MEI1: variants seen among roughly 807,000 people sequenced by gnomAD.
MEI1 encodes the protein meiosis inhibitor protein 1.
Under a neutral mutation model 146.2 loss-of-function variants are expected in MEI1, and 103 were observed. That is an observed-to-expected ratio of 0.70 (90% CI 0.60 to 0.83). The LOEUF is 0.83. Ranked by LOEUF, MEI1 falls within the 40% of genes least tolerant of loss-of-function variation. The pLI is 0.00. For synonymous variants in MEI1, 652 were observed against 628.2 expected, an observed-to-expected ratio of 1.04 and a Z score of -0.57; for missense variants, 1,529 against 1,533.0, an observed-to-expected ratio of 1.00 and a Z score of 0.04.
At chr22:41,783,025 C>T (rs1466300616) in intron 24 of MEI1, among the ~76,000 whole-genome samples, 1 of 152,198 alleles carries the variant, frequency 6.6e-6, no homozygotes, top group Non-Finnish European at 1.5e-5. Flanking sequence ...CCTTCAGCAG[C>T]CTTTTTGTCC....
At chr22:41,705,483 C>T in intron 2 of MEI1, 21 bp from the exon 3 acceptor site, 1 of 1,613,186 alleles carries the variant, frequency 6.2e-7, no homozygotes, top group Non-Finnish European at 8.5e-7. Context: ...CCACCCCTTT[C>T]TTACCTCCCT....
rs145515547 is a variant in MEI1, at chr22:41,754,375, T to C, written c.1951+329T>C. On this transcript the variant is annotated intron_variant, in intron 17 of 30. Coordinates refer to ENST00000401548, the MANE Select transcript of MEI1 (RefSeq NM_152513.4). Reference sequence around the variant, plus strand: ...AGTCCAGTGTTCACTATAGCATTAATAGTGTGTTCTATTTCTTCATTCATT... The same window carrying C: ...AGTCCAGTGTTCACTATAGCATTAACAGTGTGTTCTATTTCTTCATTCATT... Among the ~76,000 whole-genome samples, 199 of 152,134 alleles carry C rather than the reference T, an allele frequency of 1.3e-3. 2 individuals are homozygous for C. The highest frequency in any genetic ancestry group is 4.6e-3 in the African/African-American group (190 of 41,404).
intron 3 of MEI1, chr22:41,709,492 G>C: frequency 1.6e-6 from 1 of 632,578 alleles, no homozygotes. Context: ...GGGCATGGTG[G>C]CAGCAGCGAC....
rs138225077 is a variant in MEI1, at chr22:41,725,197, C to T, written c.864+1124C>T. On this transcript the variant is annotated intron_variant, in intron 7 of 30. Transcript: ENST00000401548. ...CGTGATCTTGGCTCACTACAACCTC[C>T]GCCCCCCAGGCTCAAGCAATTCTCC... Among the ~76,000 whole-genome samples, 141 of 152,028 alleles carry T rather than the reference C, an allele frequency of 9.3e-4. 12 individuals are homozygous for T. In the East Asian group the frequency reaches 0.026, roughly 28 times the overall value.
chr22:41,758,394 C>T lies in MEI1; in HGVS notation c.1981C>T (p.His661Tyr), dbSNP rs768378738. 3 of 1,613,824 alleles carry T rather than the reference C, an allele frequency of 1.9e-6. No homozygotes were observed. In the South Asian group the frequency reaches 3.3e-5, roughly 18 times the overall value. ...CTCTGCAGTGTCTGAGCTCCTGCAGCATGGGCTGCCCCAGATAAGCAGCAG... is the reference window on the plus strand; with the variant it reads ...CTCTGCAGTGTCTGAGCTCCTGCAGTATGGGCTGCCCCAGATAAGCAGCAG... ...ELSAVSELLQHGLPQISSRSP... is the reference protein window; with the variant it reads ...ELSAVSELLQYGLPQISSRSP... Residue 661 changes from histidine to tyrosine, a missense_variant, in exon 18 of 31, where the codon CAT becomes TAT. Physicochemically the swap from His to Tyr is moderately conservative, Grantham distance 83 (BLOSUM62 2). Transcript: ENST00000401548.
intron 3 of MEI1, among the ~76,000 whole-genome samples, chr22:41,712,594 A>C (rs117873693): frequency 0.048 from 7,276 of 151,908 alleles, 269 homozygotes; most frequent in Non-Finnish European, 0.067. Context: ...TTAGAAATAC[A>C]CTAGAATTTT....
At chr22:41,771,662 T>C (rs1270545042) in intron 20 of MEI1, among the ~76,000 whole-genome samples, 2 of 152,078 alleles carry the variant, frequency 1.3e-5, no homozygotes, top group African/African-American at 2.4e-5. Flanking sequence ...TGTCAATACT[T>C]TTTGGTGAAG....
At chr22:41,730,451 C>G in intron 8 of MEI1, 70 bp from the exon 9 acceptor site, 1 of 1,041,898 alleles carries the variant, frequency 9.6e-7, no homozygotes, top group Non-Finnish European at 1.5e-6. Context: ...AATCCAAGGC[C>G]TTAGCATCAG....
At position 41,699,588 on chromosome 22, in the gene MEI1, A is replaced by AGGAAGAGGC; in HGVS notation, c.53_61dup (p.Glu18_Ala20dup). On this transcript the variant is annotated inframe_insertion, in exon 1 of 31. Transcript: ENST00000401548. ...GCGGGCACTCCCGGGCCCAGGAGAG[A>AGGAAGAGGC]GGAAGAGGCGGCGCTTCTATTCGAG... is the stretch of plus-strand genomic sequence containing the variant. The AGGAAGAGGC allele has an allele frequency of 6.2e-7, 1 of 1,612,804 alleles. No homozygotes were observed. The highest frequency in any genetic ancestry group is 8.5e-7 in the Non-Finnish European group (1 of 1,179,448).
chr22:41,794,089 C>T (rs778232448), intron 27 of MEI1, 179 bp downstream of exon 27: 21 of 681,472 alleles, frequency 3.1e-5, no homozygotes, highest in Non-Finnish European at 4.7e-5. Context: ...CAATAAGGTT[C>T]AGATAGGTCA....
chr22:41,748,271 T>C (rs960154355), intron 15 of MEI1, 53 bp downstream of exon 15: 10 of 1,137,412 alleles, frequency 8.8e-6, no homozygotes, highest in Non-Finnish European at 1.2e-5. Flanking sequence ...CCTTAGGCAA[T>C]GCTCAGAGAG....
chr22:41,748,945 G>C (rs905966672), intron 15 of MEI1, among the ~76,000 whole-genome samples: 6 of 152,042 alleles, frequency 3.9e-5, no homozygotes, highest in Non-Finnish European at 1.5e-5. Context: ...TGGGACTACA[G>C]GCGCCCGCCA....
At chr22:41,747,983 C>T (rs1601904164) in intron 14 of MEI1, 124 bp from the exon 15 acceptor site, 1 of 670,270 alleles carries the variant, frequency 1.5e-6, no homozygotes, top group Non-Finnish European at 2.7e-6. Flanking sequence ...ACTTTAAGTT[C>T]CCTAGCTTTT....
intron 26 of MEI1, among the ~76,000 whole-genome samples, chr22:41,787,227 A>G (rs1380997699): frequency 6.6e-6 from 1 of 152,148 alleles, no homozygotes; most frequent in Non-Finnish European, 1.5e-5. Context: ...ACCAAAACAT[A>G]AGCTTTATTG....
chr22:41,703,102 AATAT>A (rs2068836266), intron 1 of MEI1, among the ~76,000 whole-genome samples: 1 of 152,156 alleles, frequency 6.6e-6, no homozygotes, highest in African/African-American at 2.4e-5. Context: ...TTGCTATGTA[AATAT>A]AGGGCATTAG....
chr22:41,782,938 G>A (rs925537792), intron 24 of MEI1, among the ~76,000 whole-genome samples: 1 of 151,994 alleles, frequency 6.6e-6, no homozygotes, highest in African/African-American at 2.4e-5. Flanking sequence ...CAGTCTCCTG[G>A]CCACCCGCCT....
Position 41,770,980 on chromosome 22 carries a change from A to G in MEI1, c.2544+19A>G. On this transcript the variant is annotated intron_variant, in intron 20 of 30. Transcript: ENST00000401548. The stretch of plus-strand genomic sequence containing the variant: ...CTTGCTGGTAGGCAACCACTCATTC[A>G]TTTCTACATTCAGAAATCGTGGGCC... 2 of 1,607,788 alleles carry G rather than the reference A, an allele frequency of 1.2e-6. No individual in the cohort carries two copies. The highest frequency in any genetic ancestry group is 1.7e-6 in the Non-Finnish European group (2 of 1,176,382).
In MEI1 at chr22:41,755,684, ATC is replaced by A. The variant is rs1397743275; in HGVS notation, c.1951+1643_1951+1644del. On this transcript the variant is annotated intron_variant, in intron 17 of 30. Transcript: ENST00000401548. The stretch of plus-strand genomic sequence containing the variant: ...CTCATTGTGCCAGGAAATGCAGCAC[ATC>A]TCTCATAACATTCAGACTGCTTTCT... Among the ~76,000 whole-genome samples, 9 of 152,216 alleles carry A rather than the reference ATC, an allele frequency of 5.9e-5. No homozygotes were observed. The East Asian group carries it at 1.3e-3, about 23-fold the overall frequency.
chr22:41,741,939 T>A (rs1205632496), intron 11 of MEI1, among the ~76,000 whole-genome samples: 4 of 53,532 alleles, frequency 7.5e-5, no homozygotes, highest in African/African-American at 3.8e-4. Context: ...CGAGACTCCA[T>A]CTCAAAAAAA....
Sources: gnomAD v4.1 joint callset for allele counts (sites outside exome capture counted in the v4.1 genomes callset) on GRCh38, gnomAD v4.1.1 for gene constraint, MANE v1.5 for transcripts, NCBI Gene and HGNC (gene_info 2026-07-23, HGNC 2026-07-21) for gene names.